The following SYN3 variants were observed in gnomAD, a reference collection of about 807,000 sequenced individuals.
SYN3 encodes synapsin-3.
SYN3 carries 35 observed loss-of-function variants against 65.8 expected under a neutral mutation model. The observed-to-expected ratio is 0.53, with a 90% confidence interval of 0.41 to 0.70. The LOEUF (loss-of-function observed/expected upper bound fraction) is 0.70, where lower values mean the gene tolerates loss of function less well. Among genes scored for constraint, SYN3 ranks in the 30% least tolerant of loss-of-function variants. The probability of loss-of-function intolerance (pLI) is 0.00; values close to 1 mark genes in which losing one functional copy is unlikely to be tolerated. For synonymous variants in SYN3, 270 were observed against 292.9 expected (o/e 0.92, Z 0.80); for missense variants, 680 against 749.0 (o/e 0.91, Z 1.08).
intron 6 of SYN3, among the ~76,000 whole-genome samples, chr22:32,599,971 C>A (rs5998552): frequency 0.088 from 13,391 of 152,044 alleles, 890 homozygotes; most frequent in African/African-American, 0.19. Flanking sequence ...GAGCAGAGCC[C>A]AACATTTTTG....
rs1014528993 is a variant in SYN3 at position 32,933,269 on chromosome 22, C to T, written c.370-1788G>A. Among the ~76,000 whole-genome samples the T allele has an allele frequency of 4.6e-5, 7 of 152,140 alleles. No homozygotes were observed. The East Asian group carries it at 5.8e-4, about 13-fold the overall frequency. On this transcript the variant is annotated intron_variant, in intron 3 of 13. Coordinates refer to ENST00000358763, the MANE Select transcript of SYN3 (RefSeq NM_003490.4). ...GAAGCACTCACTATGTGCCAGGTAC[C>T]GGCCTAAGCATTTTACACATATGAA...
At chr22:32,521,407 T>C (rs1213457071) in intron 12 of SYN3, among the ~76,000 whole-genome samples, 1 of 151,152 alleles carries the variant, frequency 6.6e-6, no homozygotes, top group East Asian at 1.9e-4. Context: ...TATCAAGAGA[T>C]GCTGGAAATC....
intron 6 of SYN3, among the ~76,000 whole-genome samples, chr22:32,708,970 G>T (rs1466030469): frequency 6.6e-6 from 1 of 152,184 alleles, no homozygotes; most frequent in African/African-American, 2.4e-5. Context: ...ATGGAAGAGA[G>T]AATCACTCGA....
rs530549025 is a variant in SYN3, at chr22:32,841,650, C to T, written c.711+23265G>A. Among the ~76,000 whole-genome samples the T allele has an allele frequency of 2.1e-4, 32 of 149,098 alleles. 1 individual carries two copies. The South Asian group carries it at 6.9e-3, about 32-fold the overall frequency. On this transcript the variant is annotated intron_variant, in intron 6 of 13. Transcript: ENST00000358763. ...TGGGATATATAAGTAAAAAGATCAT[C>T]AGGGAGGGGAACAACATACACTGGG...
At chr22:33,025,688 T>C (rs930856797) in intron 1 of SYN3, among the ~76,000 whole-genome samples, 10 of 151,992 alleles carry the variant, frequency 6.6e-5, no homozygotes, top group Non-Finnish European at 1.2e-4. Flanking sequence ...TCAGTATTCA[T>C]GATTTATAAA....
intron 6 of SYN3, among the ~76,000 whole-genome samples, chr22:32,639,762 G>C (rs2059869797): frequency 6.6e-6 from 1 of 152,034 alleles, no homozygotes; most frequent in South Asian, 2.1e-4. Context: ...TCCCAGGCTG[G>C]TCTCAAACTC....
chr22:32,956,062 A>ATATATATATATATATATATATAT, intron 3 of SYN3, among the ~76,000 whole-genome samples: 48 of 144,892 alleles, frequency 3.3e-4, no homozygotes, highest in African/African-American at 9.5e-4. Flanking sequence ...ATATATATAT[A>ATATATATATATATATATATATAT]AAATCTCCTA....
chr22:32,834,455 AC>A (rs2047672238), intron 6 of SYN3, among the ~76,000 whole-genome samples: 2 of 152,078 alleles, frequency 1.3e-5, no homozygotes, highest in Non-Finnish European at 2.9e-5. Context: ...GAGCCACTGC[AC>A]CCGGCCAAGC....
chr22:32,629,143 A>G (rs2059711755), intron 6 of SYN3, among the ~76,000 whole-genome samples: 1 of 152,104 alleles, frequency 6.6e-6, no homozygotes, highest in African/African-American at 2.4e-5. Flanking sequence ...AATCCATCCC[A>G]CTCAGAAATC....
intron 3 of SYN3, among the ~76,000 whole-genome samples, chr22:32,949,790 A>G (rs562986944): frequency 1.3e-5 from 2 of 152,320 alleles, no homozygotes; most frequent in African/African-American, 4.8e-5. Context: ...ACTAAGCTGA[A>G]GCATGTTATT....
chr22:32,901,266 G>A (rs983366597), intron 4 of SYN3, among the ~76,000 whole-genome samples: 1 of 152,200 alleles, frequency 6.6e-6, no homozygotes, highest in Admixed American at 6.5e-5. Context: ...TGAGATCTGA[G>A]TTCAAATCTT....
intron 6 of SYN3, among the ~76,000 whole-genome samples, chr22:32,751,894 T>C (rs1457455302): frequency 6.6e-6 from 1 of 152,220 alleles, no homozygotes; most frequent in African/African-American, 2.4e-5. Flanking sequence ...ATGTGTCAGC[T>C]GGGCACTCTC....
At chr22:32,632,585 G>C (rs1261590719) in intron 6 of SYN3, among the ~76,000 whole-genome samples, 1 of 152,142 alleles carries the variant, frequency 6.6e-6, no homozygotes, top group African/African-American at 2.4e-5. Flanking sequence ...GTTCCTTCCT[G>C]CCCTAAGGTT....
chr22:32,575,337 G>C (rs2058835939), intron 7 of SYN3, among the ~76,000 whole-genome samples: 1 of 152,202 alleles, frequency 6.6e-6, no homozygotes, highest in Non-Finnish European at 1.5e-5. Context: ...TGGGACACAA[G>C]TCGAGTCAGC....
rs1267952321 is a variant in SYN3, at chr22:32,801,041, CCT to C, written c.711+63872_711+63873del. ...GGCTTTGTGTTGCTTAACCCAGCATCCTGAACCGTGTTTGTTGAATGAATACA... is the reference window on the plus strand; with the variant it reads ...GGCTTTGTGTTGCTTAACCCAGCATCGAACCGTGTTTGTTGAATGAATACA... On this transcript the variant is annotated intron_variant, in intron 6 of 13. Coordinates refer to ENST00000358763, the MANE Select transcript of SYN3 (RefSeq NM_003490.4). The surrounding 1 kb of genome is among the most constrained non-coding windows in gnomAD (Gnocchi z 4.7). Among the ~76,000 whole-genome samples the C allele has an allele frequency of 6.6e-6, 1 of 152,210 alleles. No individual in the cohort carries two copies. Among genetic ancestry groups the C allele is most frequent in the African/African-American group, 2.4e-5 (1 of 41,448 alleles).
At chr22:32,814,890 A>C (rs1485607725) in intron 6 of SYN3, among the ~76,000 whole-genome samples, 3 of 152,252 alleles carry the variant, frequency 2.0e-5, no homozygotes, top group Non-Finnish European at 4.4e-5. Flanking sequence ...TCATGTTTAA[A>C]AAAACGAGGA....
chr22:32,630,826 C>T (rs2059737119), intron 6 of SYN3, among the ~76,000 whole-genome samples: 1 of 152,208 alleles, frequency 6.6e-6, no homozygotes, highest in Non-Finnish European at 1.5e-5. Flanking sequence ...TCACAGGCTA[C>T]AGGTGTGTTC....
intron 7 of SYN3, among the ~76,000 whole-genome samples, chr22:32,545,094 G>C (rs1260321258): frequency 6.6e-6 from 1 of 152,198 alleles, no homozygotes; most frequent in Non-Finnish European, 1.5e-5. Flanking sequence ...TAAAGGGCAG[G>C]GGAGGGCTTT....
At chr22:32,958,599 T>C (rs1321102435) in intron 3 of SYN3, among the ~76,000 whole-genome samples, 2 of 152,248 alleles carry the variant, frequency 1.3e-5, no homozygotes, top group Admixed American at 6.5e-5. Flanking sequence ...TTTTGTTTTT[T>C]GTTTTTGTTT....
Sources: gnomAD v4.1 joint callset for allele counts (sites outside exome capture counted in the v4.1 genomes callset) on GRCh38, gnomAD v4.1.1 for gene constraint, Gnocchi (gnomAD v3.1) non-coding constraint, MANE v1.5 for transcripts, NCBI Gene and HGNC (gene_info 2026-07-23, HGNC 2026-07-21) for gene names.